DPF2: variants seen among roughly 807,000 people sequenced by gnomAD.
DPF2 encodes the protein zinc finger protein ubi-d4.
Under a neutral mutation model 59.6 loss-of-function variants are expected in DPF2, and 10 were observed. The ratio of observed to expected loss-of-function variants is 0.17; its 90% CI spans 0.10 to 0.28. The LOEUF (loss-of-function observed/expected upper bound fraction) is 0.28. Ranked by LOEUF, DPF2 falls within the 10% of genes least tolerant of loss-of-function variation. DPF2 has a pLI of 1.00. For synonymous variants in DPF2, 189 were observed against 190.6 expected, an observed-to-expected ratio of 0.99 and a Z score of 0.07; for missense variants, 315 against 509.4, an observed-to-expected ratio of 0.62 and a Z score of 3.67.
rs576101012 is a variant in DPF2, at chr11:65,353,817, G to C, written c.*2058G>C. ...AGCAGGGTGCTCTGGGCTGGGGATTGTGTGAGGAGCAGAGCGCAGCCCGTC... is the reference window on the plus strand; with the variant it reads ...AGCAGGGTGCTCTGGGCTGGGGATTCTGTGAGGAGCAGAGCGCAGCCCGTC... On this transcript the variant is annotated 3_prime_UTR_variant, in exon 11 of 11. Transcript: ENST00000528416. 6.6e-6 allele frequency among the ~76,000 whole-genome samples: 1 copy of C among 152,328 alleles called. No individual in the cohort carries two copies. The highest frequency in any genetic ancestry group is 2.1e-4 in the South Asian group (1 of 4,828).
At position 65,343,792 on chromosome 11, in the gene DPF2, C is replaced by T; in HGVS notation, c.513C>T (p.Asp171=). 1 of 1,596,594 alleles carries T rather than the reference C, an allele frequency of 6.3e-7. No homozygotes were observed. The highest frequency in any genetic ancestry group is 8.5e-7 in the Non-Finnish European group (1 of 1,171,576). The change falls in exon 5 of 11, where the codon GAC becomes GAT. Residue 171 remains aspartate (D), a synonymous_variant. Coordinates refer to ENST00000528416, the MANE Select transcript of DPF2 (RefSeq NM_006268.5). The stretch of plus-strand genomic sequence containing the variant: ...TCCTGGATGACCTCGATGATGAAGA[C>T]TATGAAGAAGATACTCCCAAGCGTC... ...DDFLDDLDDE[D]YEEDTPKRRG...
At chr11:65,337,236 G>A (rs981827693) in intron 1 of DPF2, among the ~76,000 whole-genome samples, 4 of 151,590 alleles carry the variant, frequency 2.6e-5, no homozygotes, top group African/African-American at 9.7e-5. Flanking sequence ...CGGATCATGA[G>A]GTCAGGAGTT....
At chr11:65,340,340 G>C in intron 1 of DPF2, 45 bp from the exon 2 acceptor site, 1 of 1,602,310 alleles carries the variant, frequency 6.2e-7, no homozygotes. Context: ...AGCACCCTAT[G>C]CCCCCCGCTC....
At chr11:65,345,004 C>T (rs1234789610) in intron 6 of DPF2, 1 of 261,060 alleles carries the variant, frequency 3.8e-6, no homozygotes, top group Admixed American at 5.1e-5. Context: ...CTGCTGGCCC[C>T]CTTGCCCTTC....
chr11:65,345,292 T>A (rs1159727116), intron 6 of DPF2: 1 of 206,504 alleles, frequency 4.8e-6, no homozygotes, highest in African/African-American at 2.3e-5. Flanking sequence ...TTTTCCCCCT[T>A]CCTGCCACCC....
At chr11:65,348,821 C>T (rs775204450) in intron 9 of DPF2, 29 bp from the exon 10 acceptor site, 7 of 1,612,554 alleles carry the variant, frequency 4.3e-6, no homozygotes, top group Non-Finnish European at 5.1e-6. Context: ...TTATTCAGTC[C>T]CCATCCTCTT....
chr11:65,338,242 C>T (rs1346192418), intron 1 of DPF2, among the ~76,000 whole-genome samples: 5 of 152,174 alleles, frequency 3.3e-5, no homozygotes, highest in Admixed American at 2.0e-4. Context: ...CTACTGTGCC[C>T]GGCCTCCCTT....
intron 10 of DPF2, 30 bp from the exon 11 acceptor site, chr11:65,351,653 C>T: frequency 6.2e-7 from 1 of 1,607,206 alleles, no homozygotes; most frequent in Non-Finnish European, 8.5e-7. Flanking sequence ...TGTGTGGGAC[C>T]CATCCTGACC....
At chr11:65,343,523 A>G (rs1205003850) in intron 4 of DPF2, 3 of 557,192 alleles carry the variant, frequency 5.4e-6, no homozygotes, top group African/African-American at 1.9e-5. Flanking sequence ...AAAGCATTTC[A>G]GGCTAAGGAA....
chr11:65,335,906 C>T (rs746279278), intron 1 of DPF2, among the ~76,000 whole-genome samples: 2 of 152,008 alleles, frequency 1.3e-5, no homozygotes, highest in African/African-American at 4.8e-5. Context: ...CTCCGCCTCC[C>T]GGGTTCCAGC....
At position 65,348,936 on chromosome 11, in the gene DPF2, G is replaced by A; in HGVS notation, c.1099+5G>A. On this transcript the variant is annotated splice_donor_5th_base_variant and intron_variant, in intron 10 of 10. Coordinates refer to ENST00000528416, the MANE Select transcript of DPF2 (RefSeq NM_006268.5). ...CCATGTCTGAGCCCCCTGAAGGTAA[G>A]TTGCCCAGATCTTTTACTCAGAACA... is the stretch of plus-strand genomic sequence containing the variant. 6.2e-7 allele frequency: 1 copy of A among 1,614,116 alleles called. No individual in the cohort carries two copies. The highest frequency in any genetic ancestry group is 8.5e-7 in the Non-Finnish European group (1 of 1,179,992).
chr11:65,348,855 G>A lies in DPF2; in HGVS notation c.1023G>A (p.Gln341=), dbSNP rs755784167. 1 of 1,614,162 alleles carries A rather than the reference G, an allele frequency of 6.2e-7. No homozygotes were observed. The highest frequency in any genetic ancestry group is 1.1e-5 in the South Asian group (1 of 91,084). ...TTCCCTCTTGCCTACTTCAGGACCA[G>A]TTGCTCTTCTGTGATGACTGCGATC... The part of the protein sequence containing the change: ...NICGTSENDD[Q]LLFCDDCDRG... Residue 341 remains glutamine, a synonymous_variant, in exon 10 of 11, where the codon CAG becomes CAA. Coordinates refer to ENST00000528416, the MANE Select transcript of DPF2 (RefSeq NM_006268.5).
chr11:65,348,834 C>T lies in DPF2; in HGVS notation c.1018-16C>T, dbSNP rs774458671. On this transcript the variant is annotated splice_polypyrimidine_tract_variant and intron_variant, in intron 9 of 10. Transcript: ENST00000528416. Reference sequence around the variant, plus strand: ...AGTTATTCAGTCCCCATCCTCTTCCCTCTTGCCTACTTCAGGACCAGTTGC... The same window carrying T: ...AGTTATTCAGTCCCCATCCTCTTCCTTCTTGCCTACTTCAGGACCAGTTGC... 6 of 1,613,950 alleles carry T rather than the reference C, an allele frequency of 3.7e-6. No homozygotes were observed. In the Admixed American group the frequency reaches 6.7e-5, roughly 18 times the overall value.
chr11:65,348,611 G>GA (rs56032535), intron 9 of DPF2: 102,850 of 238,616 alleles, frequency 0.43, 21,118 homozygotes, highest in Admixed American at 0.52. Context: ...GGGCTTTAGG[G>GA]AAAAAAAAAA....
At chr11:65,334,692 A>C (rs1950073034) in intron 1 of DPF2, among the ~76,000 whole-genome samples, 1 of 152,232 alleles carries the variant, frequency 6.6e-6, no homozygotes, top group Non-Finnish European at 1.5e-5. Flanking sequence ...CTGGCCTATG[A>C]ACTGCTTCCT....
chr11:65,349,184 C>T (rs2137711627), intron 10 of DPF2, among the ~76,000 whole-genome samples: 1 of 152,280 alleles, frequency 6.6e-6, no homozygotes, highest in South Asian at 2.1e-4. Context: ...AGATCAGGCA[C>T]CCAGAAGGAA....
intron 1 of DPF2, among the ~76,000 whole-genome samples, chr11:65,336,369 G>T (rs1950095125): frequency 6.6e-6 from 1 of 151,834 alleles, no homozygotes; most frequent in Non-Finnish European, 1.5e-5. Context: ...GCGCACACCT[G>T]TAGTCCCAGC....
chr11:65,343,673 T>G, intron 4 of DPF2, 72 bp from the exon 5 acceptor site: 1 of 1,484,142 alleles, frequency 6.7e-7, no homozygotes, highest in Non-Finnish European at 9.2e-7. Flanking sequence ...TGGGTGGCCT[T>G]GGCCAGTCTC....
chr11:65,349,929 G>T (rs1854644122), intron 10 of DPF2, among the ~76,000 whole-genome samples: 1 of 152,160 alleles, frequency 6.6e-6, no homozygotes, highest in African/African-American at 2.4e-5. Flanking sequence ...TGTGATGTAA[G>T]CTGACTTGTA....
Sources: gnomAD v4.1 joint callset for allele counts (sites outside exome capture counted in the v4.1 genomes callset) on GRCh38, gnomAD v4.1.1 for gene constraint, MANE v1.5 for transcripts, NCBI Gene and HGNC (gene_info 2026-07-23, HGNC 2026-07-21) for gene names.